The following NDST4 variants were observed in gnomAD, a reference collection of about 807,000 sequenced individuals.
NDST4 encodes the protein N-heparan sulfate sulfotransferase 4.
Under a neutral mutation model 100.8 loss-of-function variants are expected in NDST4, and 63 were observed. That is an observed-to-expected ratio of 0.62 (90% CI 0.51 to 0.77). NDST4 has a LOEUF of 0.77. Ranked by LOEUF, NDST4 falls within the 30% of genes least tolerant of loss-of-function variation. NDST4 has a pLI of 0.00. For missense variants in NDST4, 943 were observed against 1,018.4 expected (o/e 0.93, Z 1.01); for synonymous variants, 377 against 361.8 (o/e 1.04, Z -0.48).
At chr4:114,949,205 T>C (rs1451800990) in intron 4 of NDST4, among the ~76,000 whole-genome samples, 1 of 151,936 alleles carries the variant, frequency 6.6e-6, no homozygotes, top group Non-Finnish European at 1.5e-5. Context: ...CTCTATCAAT[T>C]TTTTTAGAAA....
At chr4:114,885,506 A>G (rs1486723511) in intron 6 of NDST4, among the ~76,000 whole-genome samples, 1 of 152,094 alleles carries the variant, frequency 6.6e-6, no homozygotes, top group Non-Finnish European at 1.5e-5. Context: ...GCTTTTTATA[A>G]TATATTCATG....
intron 6 of NDST4, among the ~76,000 whole-genome samples, chr4:114,905,675 G>A (rs10516606): frequency 0.15 from 22,003 of 151,728 alleles, 2,051 homozygotes; most frequent in African/African-American, 0.27. Context: ...TATTCAGTCA[G>A]TTCAGTAGAG....
At chr4:114,995,348 A>G (rs1727136667) in intron 2 of NDST4, among the ~76,000 whole-genome samples, 2 of 152,070 alleles carry the variant, frequency 1.3e-5, no homozygotes, top group African/African-American at 4.8e-5. Flanking sequence ...TAGATTCATA[A>G]TCATGTATAC....
At chr4:114,881,433 C>T (rs914363860) in intron 6 of NDST4, among the ~76,000 whole-genome samples, 1 of 151,950 alleles carries the variant, frequency 6.6e-6, no homozygotes, top group Non-Finnish European at 1.5e-5. Flanking sequence ...GCAATTTCAC[C>T]TAAATAGAGA....
chr4:114,849,059 G>A (rs568611592), intron 8 of NDST4, among the ~76,000 whole-genome samples: 20 of 152,306 alleles, frequency 1.3e-4, no homozygotes, highest in Non-Finnish European at 2.6e-4. Flanking sequence ...GAAAGAAGAA[G>A]GCAGGACTCT....
intron 1 of NDST4, among the ~76,000 whole-genome samples, chr4:115,106,303 A>C (rs548518157): frequency 1.3e-5 from 2 of 152,222 alleles, no homozygotes; most frequent in East Asian, 3.9e-4. Flanking sequence ...ATGCATTCTA[A>C]GTTTGTATTA....
At chr4:114,830,990 A>G (rs1236865383) in intron 12 of NDST4, among the ~76,000 whole-genome samples, 2 of 152,232 alleles carry the variant, frequency 1.3e-5, no homozygotes, top group African/African-American at 4.8e-5. Context: ...GTTGTAAATT[A>G]AAATTAAATA....
chr4:115,051,487 T>C (rs746614520), intron 2 of NDST4, among the ~76,000 whole-genome samples: 11 of 152,144 alleles, frequency 7.2e-5, no homozygotes, highest in Non-Finnish European at 8.8e-5. Flanking sequence ...CTTTTTAATT[T>C]GCCACATATG....
At chr4:114,935,779 A>G (rs992395246) in intron 5 of NDST4, among the ~76,000 whole-genome samples, 1 of 152,104 alleles carries the variant, frequency 6.6e-6, no homozygotes, top group Non-Finnish European at 1.5e-5. Context: ...CCCCTTCCAC[A>G]TTAGCTTTGT....
chr4:115,060,605 A>G (rs1245157740), intron 2 of NDST4, among the ~76,000 whole-genome samples: 4 of 152,004 alleles, frequency 2.6e-5, no homozygotes, highest in Non-Finnish European at 5.9e-5. Flanking sequence ...TGCAAGGAGT[A>G]ATAGGGAACT....
rs374089657 is a variant in NDST4 at position 115,022,404 on chromosome 4, C to CATATATATATGTGTTCCAT, written c.979-45131_979-45130insATGGAACACATATATATAT. 1.3e-4 allele frequency among the ~76,000 whole-genome samples: 2 copies of CATATATATATGTGTTCCAT among 15,254 alleles called. 1 individual carries two copies. The highest frequency in any genetic ancestry group is 7.3e-4 in the African/African-American group (2 of 2,752). 10.0% of individuals were successfully genotyped at this position (15,254 alleles called of 152,430 possible). ...ATATGTGTTCCATATATATGTGTTC[C>CATATATATATGTGTTCCAT]ATATATATGTGTTCCATATATATGT... is the stretch of plus-strand genomic sequence containing the variant. On this transcript the variant is annotated intron_variant, in intron 2 of 13. Coordinates refer to ENST00000264363, the MANE Select transcript of NDST4 (RefSeq NM_022569.3).
At chr4:115,082,652 T>C (rs1729326655) in intron 1 of NDST4, among the ~76,000 whole-genome samples, 1 of 152,180 alleles carries the variant, frequency 6.6e-6, no homozygotes, top group African/African-American at 2.4e-5. Flanking sequence ...GCTATATTCT[T>C]TGTATTCATC....
chr4:115,082,855 T>G (rs1331486368), intron 1 of NDST4, among the ~76,000 whole-genome samples: 1 of 152,172 alleles, frequency 6.6e-6, no homozygotes, highest in African/African-American at 2.4e-5. Context: ...ATAATTTAAC[T>G]GCAAATCAGC....
At chr4:115,090,697 C>T (rs911392070) in intron 1 of NDST4, among the ~76,000 whole-genome samples, 6 of 151,924 alleles carry the variant, frequency 3.9e-5, no homozygotes, top group African/African-American at 1.2e-4. Flanking sequence ...GCAATATACT[C>T]TTGCTTTTAT....
At chr4:114,843,574 G>A (rs1392746751) in intron 10 of NDST4, among the ~76,000 whole-genome samples, 1 of 151,952 alleles carries the variant, frequency 6.6e-6, no homozygotes, top group Non-Finnish European at 1.5e-5. Context: ...AAATCCATCT[G>A]GCTTTGCTCT....
At chr4:115,061,700 T>G (rs903824689) in intron 2 of NDST4, among the ~76,000 whole-genome samples, 9 of 152,004 alleles carry the variant, frequency 5.9e-5, no homozygotes, top group African/African-American at 1.9e-4. Flanking sequence ...GATGACAGGT[T>G]GATGGGTGCA....
chr4:114,889,245 C>A (rs1029696453), intron 6 of NDST4, among the ~76,000 whole-genome samples: 2 of 152,172 alleles, frequency 1.3e-5, no homozygotes, highest in African/African-American at 2.4e-5. Flanking sequence ...TTCTTTCAGA[C>A]TGCCTTCCCA....
At chr4:115,037,488 C>A (rs1437714575) in intron 2 of NDST4, among the ~76,000 whole-genome samples, 1 of 152,066 alleles carries the variant, frequency 6.6e-6, no homozygotes, top group Admixed American at 6.6e-5. Flanking sequence ...GTCTATACAT[C>A]ACACAAATCC....
At chr4:114,945,434 C>G (rs1388935577) in intron 4 of NDST4, among the ~76,000 whole-genome samples, 1 of 151,984 alleles carries the variant, frequency 6.6e-6, no homozygotes, top group Non-Finnish European at 1.5e-5. Flanking sequence ...AACCAGCCCA[C>G]AATATATTTG....
Sources: gnomAD v4.1 joint callset for allele counts (sites outside exome capture counted in the v4.1 genomes callset) on GRCh38, gnomAD v4.1.1 for gene constraint, MANE v1.5 for transcripts, NCBI Gene and HGNC (gene_info 2026-07-23, HGNC 2026-07-21) for gene names.